The following MLXIPL variants were observed in gnomAD, a reference collection of about 807,000 sequenced individuals.
MLXIPL encodes carbohydrate-responsive element-binding protein.
In MLXIPL, 49 loss-of-function variants were observed where a neutral mutation model predicts 81.5. The observed-to-expected ratio is 0.60, with a 90% CI of 0.48 to 0.76. The LOEUF (loss-of-function observed/expected upper bound fraction) is 0.76, where lower values mean the gene tolerates loss of function less well. MLXIPL is among the 30% of genes least tolerant of loss of function. The pLI is 0.00. For missense variants in MLXIPL, 1,053 were observed against 1,167.0 expected (o/e 0.90, Z 1.42); for synonymous variants, 466 against 485.5 (o/e 0.96, Z 0.53).
upstream of MLXIPL, among the ~76,000 whole-genome samples, chr7:73,625,015 C>T (rs1392666501): frequency 6.6e-6 from 1 of 152,068 alleles, no homozygotes; most frequent in Non-Finnish European, 1.5e-5. Context: ...AAAACCCTGT[C>T]TCTACCAAAC....
chr7:73,606,394 G>GT, intron 5 of MLXIPL: 2 of 492,508 alleles, frequency 4.1e-6, no homozygotes, highest in East Asian at 3.3e-5. Context: ...TGGTCCCTCT[G>GT]GTTTTTTTTT....
the MLXIPL span, among the ~76,000 whole-genome samples, chr7:73,632,840 C>T: frequency 2.7e-5 from 4 of 150,792 alleles, no homozygotes; most frequent in South Asian, 2.1e-4. Flanking sequence ...AGTGCAGTGG[C>T]GCGATCTCAG....
chr7:73,597,300 G>T lies in MLXIPL; in HGVS notation c.1485C>A (p.Pro495=). 1 of 1,568,870 alleles carries T rather than the reference G, an allele frequency of 6.4e-7. No individual in the cohort carries two copies. The highest frequency in any genetic ancestry group is 8.6e-7 in the Non-Finnish European group (1 of 1,156,872). Residue 495 remains proline, a synonymous_variant, in exon 9 of 17, where the codon CCC becomes CCA. Coordinates refer to ENST00000313375, the MANE Select transcript of MLXIPL (RefSeq NM_032951.3). ...GPCFSMPRGK[P]PAPSPRGQKA... ...TCTGTCCCCTAGGGGATGGGGCGGG[G>T]GGCTTGCCTCTGGGCATGGAGAAGC...
At chr7:73,606,862 C>T (rs1795321793) in intron 5 of MLXIPL, 112 bp downstream of exon 5, 2 of 1,189,018 alleles carry the variant, frequency 1.7e-6, no homozygotes, top group Non-Finnish European at 1.2e-6. Flanking sequence ...CACATTCCAC[C>T]CTCATGCCCA....
intron 4 of MLXIPL, 37 bp from the exon 5 acceptor site, chr7:73,607,055 G>C: frequency 6.2e-7 from 1 of 1,608,116 alleles, no homozygotes. Flanking sequence ...CGGATCCCTT[G>C]CCCCATCCTC....
At chr7:73,618,846 G>A (rs1431193966) in intron 1 of MLXIPL, among the ~76,000 whole-genome samples, 4 of 152,258 alleles carry the variant, frequency 2.6e-5, no homozygotes, top group South Asian at 2.1e-4. Context: ...TGATCACCCC[G>A]TGTCGCACCC....
Position 73,624,338 on chromosome 7 carries a change from A to G in MLXIPL, c.155T>C (p.Phe52Ser). Residue 52 changes from phenylalanine to serine, a missense_variant, in exon 1 of 17, where the codon TTC becomes TCC. Phe to Ser is a radical substitution (Grantham distance 155). This residue lies in a region of MLXIPL where 226 missense variants were observed against 216.2 expected (regional missense o/e 1.05). Transcript: ENST00000313375. Reference protein sequence around the residue: ...LRSQVIHSGHFMVSSPHSDSL... With the variant: ...LRSQVIHSGHSMVSSPHSDSL... ...GTCGCTGTGCGGCGACGACACCATG[A>G]AGTGACCGCTGTGGATGACCTGCGA... The G allele has an allele frequency of 6.3e-7, 1 of 1,588,080 alleles. No homozygotes were observed. Among genetic ancestry groups the G allele is most frequent in the Non-Finnish European group, 8.5e-7 (1 of 1,170,010 alleles).
At chr7:73,640,422 G>T in the MLXIPL span, among the ~76,000 whole-genome samples, 483 of 145,884 alleles carry the variant, frequency 3.3e-3, 3 homozygotes, top group Admixed American at 5.3e-3. Flanking sequence ...AAAAGAAAAA[G>T]AAAAAAAGAA....
At chr7:73,629,135 C>T (rs1233430304), upstream of MLXIPL, among the ~76,000 whole-genome samples, 5 of 151,920 alleles carry the variant, frequency 3.3e-5, no homozygotes, top group Admixed American at 6.6e-5. Flanking sequence ...CTCCACCTCC[C>T]GGATTCAAGC....
At position 73,597,777 on chromosome 7, in the gene MLXIPL, G is replaced by T. The variant is rs1669216939; in HGVS notation, c.1072-64C>A. On this transcript the variant is annotated intron_variant, in intron 8 of 16. Transcript: ENST00000313375. ...AGAGAGCTGCCCCTGGCAGCCATCT[G>T]GGCCTCCCCTGCCCTGCCTTGCCCT... 3.2e-6 allele frequency: 4 copies of T among 1,237,608 alleles called. No individual in the cohort carries two copies. The South Asian group carries it at 1.3e-4, about 39-fold the overall frequency. 76.7% of individuals were successfully genotyped at this position (1,237,608 alleles called of 1,614,324 possible).
intron 7 of MLXIPL, among the ~76,000 whole-genome samples, chr7:73,602,592 A>G (rs886562543): frequency 6.6e-5 from 10 of 151,806 alleles, no homozygotes; most frequent in Admixed American, 5.9e-4. Flanking sequence ...AGACAGGAGA[A>G]TTGCTTGAAC....
intron 1 of MLXIPL, among the ~76,000 whole-genome samples, chr7:73,620,429 C>G (rs1796271345): frequency 6.6e-6 from 1 of 151,158 alleles, no homozygotes; most frequent in African/African-American, 2.4e-5. Context: ...ACAACAACAA[C>G]AACAACAAAA....
At chr7:73,598,250 T>C (rs1202947506) in intron 8 of MLXIPL, among the ~76,000 whole-genome samples, 2 of 152,024 alleles carry the variant, frequency 1.3e-5, no homozygotes, top group Non-Finnish European at 2.9e-5. Flanking sequence ...CACCTACCTA[T>C]TTATCAATCT....
chr7:73,599,604 G>A lies in MLXIPL; in HGVS notation c.993C>T (p.Phe331=), dbSNP rs1794623444. 4 of 1,611,900 alleles carry A rather than the reference G, an allele frequency of 2.5e-6. No homozygotes were observed. Among genetic ancestry groups the A allele is most frequent in the Non-Finnish European group, 3.4e-6 (4 of 1,178,768 alleles). ...PSFSPVVDSL[F]SSGTLGPEVP... ...CCTCTGGGCCCAGGGTCCCACTGCTGAAGAGGGAGTCAACCACGGGGCTGA... is the reference window on the plus strand; with the variant it reads ...CCTCTGGGCCCAGGGTCCCACTGCTAAAGAGGGAGTCAACCACGGGGCTGA... Residue 331 remains phenylalanine, a synonymous_variant, in exon 8 of 17, where the codon TTC becomes TTT. Transcript: ENST00000313375.
In MLXIPL at chr7:73,623,378, G is replaced by A. The variant is rs1420107607; in HGVS notation, c.293+822C>T. On this transcript the variant is annotated intron_variant, in intron 1 of 16. Coordinates refer to ENST00000313375, the MANE Select transcript of MLXIPL (RefSeq NM_032951.3). The surrounding 1 kb of genome is among the most constrained non-coding windows in gnomAD (Gnocchi z 5.7). Reference sequence around the variant, plus strand: ...TCAACTCCGGGGAACTTTGCTCCAGGGCACTGGGCCAGGCCTCGGGTTCGC... The same window carrying A: ...TCAACTCCGGGGAACTTTGCTCCAGAGCACTGGGCCAGGCCTCGGGTTCGC... Among the ~76,000 whole-genome samples the A allele has an allele frequency of 6.6e-6, 1 of 152,166 alleles. No individual in the cohort carries two copies. Among genetic ancestry groups the A allele is most frequent in the African/African-American group, 2.4e-5 (1 of 41,444 alleles).
chr7:73,604,243 A>T (rs1168630412), intron 7 of MLXIPL, among the ~76,000 whole-genome samples: 22 of 126,006 alleles, frequency 1.7e-4, no homozygotes, highest in African/African-American at 3.0e-5. Flanking sequence ...AAAAAAAAAA[A>T]GCTTTACAAG....
At chr7:73,606,404 T>C (rs994729030) in intron 5 of MLXIPL, 2 of 494,210 alleles carry the variant, frequency 4.0e-6, no homozygotes, top group Non-Finnish European at 7.0e-6. Context: ...GGTTTTTTTT[T>C]TTGTTTGTTT....
rs782601360 is a variant in MLXIPL, at chr7:73,597,166, C to T, written c.1603+16G>A. The T allele has an allele frequency of 3.3e-5, 52 of 1,594,820 alleles. No individual in the cohort carries two copies. Among genetic ancestry groups the T allele is most frequent in the Middle Eastern group, 2.2e-4 (1 of 4,518 alleles). On this transcript the variant is annotated intron_variant, in intron 9 of 16. Transcript: ENST00000313375. ...CTCCCTCCCCAGGCTTTCCTCTCCCCGTTGCTGGCCCTCACCTGCTGTGAG... is the reference window on the plus strand; with the variant it reads ...CTCCCTCCCCAGGCTTTCCTCTCCCTGTTGCTGGCCCTCACCTGCTGTGAG...
chr7:73,597,917 G>T (rs1386698533), intron 8 of MLXIPL, among the ~76,000 whole-genome samples: 2 of 151,946 alleles, frequency 1.3e-5, no homozygotes, highest in African/African-American at 4.8e-5. Context: ...TGAGAGGAGG[G>T]AGTCGAGTAC....
Sources: allele counts gnomAD v4.1 joint callset (sites outside exome capture counted in the v4.1 genomes callset), GRCh38; gene constraint gnomAD v4.1.1; regional missense constraint gnomAD v4.1.1; non-coding constraint Gnocchi (gnomAD v3.1); transcripts MANE v1.5; gene names NCBI Gene and HGNC (gene_info 2026-07-23, HGNC 2026-07-21).